Variants in TMC1 observed in about 807,000 individuals in gnomAD.
The protein encoded by TMC1 is transmembrane channel-like protein 1.
In TMC1, 84 loss-of-function variants were observed where a neutral mutation model predicts 105.8. The ratio of observed to expected loss-of-function variants is 0.79; its 90% CI spans 0.67 to 0.95. TMC1 has a LOEUF of 0.95. Among genes scored for constraint, TMC1 ranks in the 40% least tolerant of loss-of-function variants. TMC1 has a pLI of 0.00. For synonymous variants in TMC1, 315 were observed against 311.5 expected (o/e 1.01, Z -0.12); for missense variants, 817 against 914.1 (o/e 0.89, Z 1.37).
intron 9 of TMC1, among the ~76,000 whole-genome samples, 168 bp downstream of exon 9, chr9:72,740,377 TA>T (rs1827368192): frequency 6.6e-6 from 1 of 152,158 alleles, no homozygotes; most frequent in Admixed American, 6.5e-5. Flanking sequence ...AGGGGAGATT[TA>T]AAAAATTGTT....
At chr9:72,694,286 C>CA (rs1296995732) in intron 6 of TMC1, among the ~76,000 whole-genome samples, 1 of 152,082 alleles carries the variant, frequency 6.6e-6, no homozygotes, top group Non-Finnish European at 1.5e-5. Flanking sequence ...AGAACTTCTT[C>CA]AAAAACTTAT....
At chr9:72,609,546 TAAC>T (rs150138221) in intron 2 of TMC1, among the ~76,000 whole-genome samples, 78,803 of 151,186 alleles carry the variant, frequency 0.52, 21,194 homozygotes, top group African/African-American at 0.67. Context: ...TGTCTCAAAA[TAAC>T]AACAACAACA....
At chr9:72,584,730 C>G (rs1325623255) in intron 2 of TMC1, among the ~76,000 whole-genome samples, 1 of 151,220 alleles carries the variant, frequency 6.6e-6, no homozygotes, top group Non-Finnish European at 1.5e-5. Flanking sequence ...ACACCATGAT[C>G]CTTCTCGAAT....
intron 1 of TMC1, among the ~76,000 whole-genome samples, chr9:72,545,919 C>T (rs575222080): frequency 6.6e-6 from 1 of 151,354 alleles, no homozygotes; most frequent in East Asian, 1.9e-4. Context: ...TTTCAAATGT[C>T]ATCGCTCAAA....
chr9:72,617,941 G>GTGTGTA (rs1825165163), intron 3 of TMC1, among the ~76,000 whole-genome samples: 1 of 148,870 alleles, frequency 6.7e-6, no homozygotes, highest in South Asian at 2.1e-4. Context: ...GTGTGTGTGT[G>GTGTGTA]TGTGTGTGTA....
chr9:72,838,059 C>G lies in TMC1; in HGVS notation c.*2086C>G, dbSNP rs923610412. ...TGTGAGCAGGGGTTGTATCTTCTAA[C>G]TCTTTTGTATGCCTAGTATAGTGCT... On this transcript the variant is annotated 3_prime_UTR_variant, in exon 24 of 24. Transcript: ENST00000297784. The G allele has an allele frequency of 1.3e-5, 2 of 152,182 alleles. No homozygotes were observed. The highest frequency in any genetic ancestry group is 4.8e-5 in the African/African-American group (2 of 41,448). 9.4% of individuals were successfully genotyped at this position (152,182 alleles called of 1,614,324 possible).
intron 11 of TMC1, among the ~76,000 whole-genome samples, 172 bp from the exon 12 acceptor site, chr9:72,754,614 C>T (rs1447121759): frequency 6.6e-6 from 1 of 152,166 alleles, no homozygotes; most frequent in Non-Finnish European, 1.5e-5. Context: ...TCCCTTTGTT[C>T]TTACCTCTGG....
At chr9:72,679,846 G>A (rs1826259335) in intron 5 of TMC1, among the ~76,000 whole-genome samples, 1 of 151,996 alleles carries the variant, frequency 6.6e-6, no homozygotes, top group South Asian at 2.1e-4. Flanking sequence ...TTCATGGGCA[G>A]GAACTGGAGT....
intron 5 of TMC1, among the ~76,000 whole-genome samples, chr9:72,659,990 C>T (rs1203304688): frequency 6.6e-6 from 1 of 152,132 alleles, no homozygotes; most frequent in East Asian, 1.9e-4. Context: ...ACATCATTTT[C>T]TACCCCTGAG....
At chr9:72,815,440 A>G (rs1442584133) in intron 18 of TMC1, among the ~76,000 whole-genome samples, 5 of 152,144 alleles carry the variant, frequency 3.3e-5, no homozygotes. Context: ...GTTAATTCAC[A>G]TTTTCATTGA....
At chr9:72,544,736 T>C (rs943738609) in intron 1 of TMC1, among the ~76,000 whole-genome samples, 3 of 151,558 alleles carry the variant, frequency 2.0e-5, no homozygotes, top group Non-Finnish European at 2.9e-5. Context: ...CACCTCGGCC[T>C]CCCAAAGTGC....
chr9:72,660,644 G>GT (rs2132160437), intron 5 of TMC1, among the ~76,000 whole-genome samples: 1 of 152,196 alleles, frequency 6.6e-6, no homozygotes, highest in African/African-American at 2.4e-5. Flanking sequence ...TGTATTCTAG[G>GT]TTTTCATATC....
At chr9:72,665,857 G>C (rs1826034771) in intron 5 of TMC1, among the ~76,000 whole-genome samples, 1 of 152,148 alleles carries the variant, frequency 6.6e-6, no homozygotes. Context: ...CTTCTGGGAG[G>C]GAACATTTTC....
chr9:72,627,870 T>C (rs768987179), intron 3 of TMC1, 51 bp from the exon 4 acceptor site: 3 of 365,910 alleles, frequency 8.2e-6, no homozygotes, highest in Non-Finnish European at 1.6e-5. Context: ...GTTGAAAAGG[T>C]ACTATTATTT....
At chr9:72,566,151 G>C (rs960462258) in intron 1 of TMC1, among the ~76,000 whole-genome samples, 1 of 152,162 alleles carries the variant, frequency 6.6e-6, no homozygotes, top group African/African-American at 2.4e-5. Context: ...CTTCTGAGTA[G>C]CTGGGATTAC....
chr9:72,582,360 G>A (rs1176917112), intron 2 of TMC1, among the ~76,000 whole-genome samples: 4 of 152,160 alleles, frequency 2.6e-5, no homozygotes, highest in Admixed American at 6.6e-5. Context: ...CTGTCTGTAC[G>A]ATAATTTACT....
chr9:72,599,720 A>G (rs6560299), intron 2 of TMC1, among the ~76,000 whole-genome samples: 150,635 of 151,612 alleles, frequency 0.99, 74,832 homozygotes, highest in Middle Eastern at 1. Flanking sequence ...TGAGGCAGGA[A>G]AGTCACTTGA....
intron 18 of TMC1, among the ~76,000 whole-genome samples, chr9:72,813,923 A>C (rs1363744741): frequency 6.6e-6 from 1 of 152,158 alleles, no homozygotes; most frequent in East Asian, 1.9e-4. Flanking sequence ...GCATCAGGCC[A>C]ATTTATAGAT....
At chr9:72,719,183 A>T (rs1461361756) in intron 8 of TMC1, among the ~76,000 whole-genome samples, 1 of 152,130 alleles carries the variant, frequency 6.6e-6, no homozygotes, top group East Asian at 1.9e-4. Context: ...CCGGATTCAC[A>T]TCCTCCCCCA....
Sources: allele counts gnomAD v4.1 joint callset (sites outside exome capture counted in the v4.1 genomes callset), GRCh38; gene constraint gnomAD v4.1.1; transcripts MANE v1.5; gene names NCBI Gene and HGNC (gene_info 2026-07-23, HGNC 2026-07-21).